The following MFSD6 variants were observed in gnomAD, a reference collection of about 807,000 sequenced individuals.
MFSD6 encodes major facilitator superfamily domain-containing protein 6.
MFSD6 carries 26 observed loss-of-function variants against 56.3 expected under a neutral mutation model. The observed-to-expected ratio is 0.46, with a 90% CI of 0.34 to 0.64. MFSD6 has a LOEUF of 0.64. Among genes scored for constraint, MFSD6 ranks in the 30% least tolerant of loss-of-function variants. MFSD6 has a pLI of 0.01. For synonymous variants in MFSD6, 331 were observed against 366.9 expected (o/e 0.90, Z 1.12); for missense variants, 750 against 986.2 (o/e 0.76, Z 3.21).
rs538442975 is a variant in MFSD6, at chr2:190,443,794, C to G, written c.1532+6233C>G. Among the ~76,000 whole-genome samples, 1 of 152,308 alleles carries G rather than the reference C, an allele frequency of 6.6e-6. No homozygotes were observed. Among genetic ancestry groups the G allele is most frequent in the East Asian group, 1.9e-4 (1 of 5,192 alleles). ...TAGTCTAGTCTGGGTGTGGCTCACACCTATAATCCCAGCACTTTGGGAGGC... is the reference window on the plus strand; with the variant it reads ...TAGTCTAGTCTGGGTGTGGCTCACAGCTATAATCCCAGCACTTTGGGAGGC... On this transcript the variant is annotated intron_variant, in intron 3 of 7. Coordinates refer to ENST00000392328, the MANE Select transcript of MFSD6 (RefSeq NM_017694.4). This position sits in a 1 kb window ranked among gnomAD's most constrained non-coding sequence, Gnocchi z 4.2.
rs567133050 is a variant in MFSD6 at position 190,457,511 on chromosome 2, T to C, written c.1533-12247T>C. On this transcript the variant is annotated intron_variant, in intron 3 of 7. Transcript: ENST00000392328. This position sits in a 1 kb window ranked among gnomAD's most constrained non-coding sequence, Gnocchi z 5.1. ...ACCATCTAGCCAGTGATAGGGGATG[T>C]GTTTTATGATAGCAGTTGCTGGGAT... Among the ~76,000 whole-genome samples, 1 of 152,318 alleles carries C rather than the reference T, an allele frequency of 6.6e-6. No individual in the cohort carries two copies. Among genetic ancestry groups the C allele is most frequent in the South Asian group, 2.1e-4 (1 of 4,832 alleles).
At chr2:190,464,442 G>A (rs1281512996) in intron 3 of MFSD6, among the ~76,000 whole-genome samples, 2 of 152,066 alleles carry the variant, frequency 1.3e-5, no homozygotes, top group Admixed American at 6.5e-5. Flanking sequence ...CTCACACCCT[G>A]TGTTGTTTCT....
In MFSD6 at chr2:190,457,530, C is replaced by T. The variant is rs1687108229; in HGVS notation, c.1533-12228C>T. On this transcript the variant is annotated intron_variant, in intron 3 of 7. Transcript: ENST00000392328. This position sits in a 1 kb window ranked among gnomAD's most constrained non-coding sequence, Gnocchi z 5.1. ...GGGATGTGTTTTATGATAGCAGTTGCTGGGATCTACATAGAGAATTTTATT... is the reference window on the plus strand; with the variant it reads ...GGGATGTGTTTTATGATAGCAGTTGTTGGGATCTACATAGAGAATTTTATT... Among the ~76,000 whole-genome samples, 1 of 152,152 alleles carries T rather than the reference C, an allele frequency of 6.6e-6. No individual in the cohort carries two copies. The highest frequency in any genetic ancestry group is 6.5e-5 in the Admixed American group (1 of 15,270).
Position 190,436,563 on chromosome 2 carries a change from C to T in MFSD6, c.534C>T (p.Ile178=), listed in dbSNP as rs778576407. ...HPTNASHQLT[I]LPTNSSFTSF... Reference sequence around the variant, plus strand: ...CCAATGCAAGTCACCAGTTAACTATCCTGCCAACAAATTCTTCCTTTACCT... The same window carrying T: ...CCAATGCAAGTCACCAGTTAACTATTCTGCCAACAAATTCTTCCTTTACCT... Residue 178 remains isoleucine, a synonymous_variant, in exon 3 of 8, where the codon ATC becomes ATT. Coordinates refer to ENST00000392328, the MANE Select transcript of MFSD6 (RefSeq NM_017694.4). The surrounding 1 kb of genome is among the most constrained non-coding windows in gnomAD (Gnocchi z 5.3). The T allele has an allele frequency of 4.3e-6, 7 of 1,614,214 alleles. No individual in the cohort carries two copies. In the South Asian group the frequency reaches 6.6e-5, roughly 15 times the overall value.
Position 190,498,628 on chromosome 2 carries a change from A to T in MFSD6, c.2172+909A>T, listed in dbSNP as rs978656545. Among the ~76,000 whole-genome samples, 6 of 152,114 alleles carry T rather than the reference A, an allele frequency of 3.9e-5. No individual in the cohort carries two copies. The highest frequency in any genetic ancestry group is 3.9e-4 in the Admixed American group (6 of 15,254). On this transcript the variant is annotated intron_variant, in intron 7 of 7. Transcript: ENST00000392328. The surrounding 1 kb of genome is among the most constrained non-coding windows in gnomAD (Gnocchi z 5.9). ...ATTTATTAATTTATCAAGATAATAA[A>T]CTCACATCATTACTCTGCTCAGTCA...
intron 3 of MFSD6, among the ~76,000 whole-genome samples, chr2:190,460,071 C>T (rs1198424374): frequency 6.6e-6 from 1 of 152,150 alleles, no homozygotes; most frequent in African/African-American, 2.4e-5. Flanking sequence ...TGGCTTATAT[C>T]CTAGCTCTTA....
rs1687372641 is a variant in MFSD6, at chr2:190,462,344, A to G, written c.1533-7414A>G. On this transcript the variant is annotated intron_variant, in intron 3 of 7. Transcript: ENST00000392328. This position sits in a 1 kb window ranked among gnomAD's most constrained non-coding sequence, Gnocchi z 5.7. The stretch of plus-strand genomic sequence containing the variant: ...TTAGCACCCAAGCGTCAGGGATTTT[A>G]AACATCCCACAGTGAATGGTGGATC... 6.6e-6 allele frequency among the ~76,000 whole-genome samples: 1 copy of G among 152,218 alleles called. No individual in the cohort carries two copies.
rs1204595704 is a variant in MFSD6, at chr2:190,494,028, T to C, written c.1892-3411T>C. Reference sequence around the variant, plus strand: ...AAGATGAGAGAATAACTAAATGAAATTGAAGGAAAAAAAATACAAAAAATA... The same window carrying C: ...AAGATGAGAGAATAACTAAATGAAACTGAAGGAAAAAAAATACAAAAAATA... On this transcript the variant is annotated intron_variant, in intron 6 of 7. Transcript: ENST00000392328. The surrounding 1 kb of genome is among the most constrained non-coding windows in gnomAD (Gnocchi z 5.7). Among the ~76,000 whole-genome samples the C allele has an allele frequency of 1.3e-5, 2 of 150,102 alleles. No homozygotes were observed. The highest frequency in any genetic ancestry group is 6.6e-5 in the Admixed American group (1 of 15,084).
At chr2:190,419,529 C>G (rs1690924602) in intron 2 of MFSD6, among the ~76,000 whole-genome samples, 1 of 152,202 alleles carries the variant, frequency 6.6e-6, no homozygotes, top group African/African-American at 2.4e-5. Flanking sequence ...ACTATTTCCT[C>G]TCCATCACTG....
rs1432468900 is a variant in MFSD6 at position 190,496,660 on chromosome 2, G to A, written c.1892-779G>A. The stretch of plus-strand genomic sequence containing the variant: ...TGTATATATATGTATATGTGTATAT[G>A]TGTGTGTATGTGTGTGTGTATATAC... On this transcript the variant is annotated intron_variant, in intron 6 of 7. Coordinates refer to ENST00000392328, the MANE Select transcript of MFSD6 (RefSeq NM_017694.4). This position sits in a 1 kb window ranked among gnomAD's most constrained non-coding sequence, Gnocchi z 4.7. 6.7e-6 allele frequency among the ~76,000 whole-genome samples: 1 copy of A among 148,280 alleles called. No homozygotes were observed. The highest frequency in any genetic ancestry group is 2.1e-4 in the South Asian group (1 of 4,818).
Position 190,462,458 on chromosome 2 carries a change from A to G in MFSD6, c.1533-7300A>G, listed in dbSNP as rs1335111606. 2.6e-5 allele frequency among the ~76,000 whole-genome samples: 4 copies of G among 152,154 alleles called. No homozygotes were observed. The highest frequency in any genetic ancestry group is 9.7e-5 in the African/African-American group (4 of 41,434). ...GAGAGTAATGCTTCCTTTTGCCCTC[A>G]TATTTTATCAGTTTACATAAGATTA... On this transcript the variant is annotated intron_variant, in intron 3 of 7. Transcript: ENST00000392328. The surrounding 1 kb of genome is among the most constrained non-coding windows in gnomAD (Gnocchi z 5.7).
chr2:190,466,603 G>A (rs1015425098), intron 3 of MFSD6, among the ~76,000 whole-genome samples: 1 of 152,130 alleles, frequency 6.6e-6, no homozygotes, highest in Admixed American at 6.5e-5. Context: ...TTTATTGAGT[G>A]CTTATTTTGG....
In MFSD6 at chr2:190,417,171, G is replaced by C. The variant is rs868499125; in HGVS notation, c.-54+1758G>C. Among the ~76,000 whole-genome samples, 2 of 152,158 alleles carry C rather than the reference G, an allele frequency of 1.3e-5. No homozygotes were observed. Among genetic ancestry groups the C allele is most frequent in the African/African-American group, 2.4e-5 (1 of 41,424 alleles). ...ATGTTTCAAGTGTATTCTATTTCCA[G>C]ATGTTATGAAAGGTCCCATTAGATA... On this transcript the variant is annotated intron_variant, in intron 2 of 7. Transcript: ENST00000392328. This position sits in a 1 kb window ranked among gnomAD's most constrained non-coding sequence, Gnocchi z 5.7.
In MFSD6 at chr2:190,418,154, C is replaced by G. The variant is rs985166595; in HGVS notation, c.-54+2741C>G. ...TAAGAGCAGCACTGCTACTCATTCC[C>G]TATGTGACTTTGGGCTGGTTATTTG... On this transcript the variant is annotated intron_variant, in intron 2 of 7. Transcript: ENST00000392328. This position sits in a 1 kb window ranked among gnomAD's most constrained non-coding sequence, Gnocchi z 4.1. 6.6e-5 allele frequency among the ~76,000 whole-genome samples: 10 copies of G among 152,098 alleles called. No homozygotes were observed. Among genetic ancestry groups the G allele is most frequent in the Admixed American group, 5.9e-4 (9 of 15,278 alleles).
chr2:190,442,992 C>T (rs970558061), intron 3 of MFSD6: 2 of 152,240 alleles, frequency 1.3e-5, no homozygotes, highest in Admixed American at 1.3e-4. Context: ...TTGGTCTGTG[C>T]TTTATTGCTT....
chr2:190,471,917 A>G lies in MFSD6; in HGVS notation c.1630+2062A>G, dbSNP rs887846061. 1.3e-5 allele frequency among the ~76,000 whole-genome samples: 2 copies of G among 152,170 alleles called. No homozygotes were observed. Among genetic ancestry groups the G allele is most frequent in the African/African-American group, 4.8e-5 (2 of 41,434 alleles). On this transcript the variant is annotated intron_variant, in intron 4 of 7. Transcript: ENST00000392328. The surrounding 1 kb of genome is among the most constrained non-coding windows in gnomAD (Gnocchi z 4.7). ...CTTCCAGAGGAACGATCAGGCAGCAATATTTGCTGTTCACCAATATCCGCT... is the reference window on the plus strand; with the variant it reads ...CTTCCAGAGGAACGATCAGGCAGCAGTATTTGCTGTTCACCAATATCCGCT...
Position 190,488,702 on chromosome 2 carries a change from G to C in MFSD6, c.1676G>C (p.Ser559Thr), listed in dbSNP as rs199597497. Residue 559 changes from serine to threonine, a missense_variant, in exon 5 of 8, where the codon AGT (serine) becomes ACT (threonine). Transcript: ENST00000392328. This position sits in a 1 kb window ranked among gnomAD's most constrained non-coding sequence, Gnocchi z 6.4. The stretch of plus-strand genomic sequence containing the variant: ...TGGGCAGCATGCATTTCTTACCTCA[G>C]TGCAGCCGTTCCCCCTGAGCTGAGG... ...AIWAACISYL[S>T]AAVPPELRTS... The C allele has an allele frequency of 6.2e-7, 1 of 1,603,986 alleles. No homozygotes were observed. Among genetic ancestry groups the C allele is most frequent in the African/African-American group, 1.3e-5 (1 of 74,496 alleles).
intron 2 of MFSD6, among the ~76,000 whole-genome samples, chr2:190,432,457 C>T (rs1183889316): frequency 6.6e-6 from 1 of 152,156 alleles, no homozygotes; most frequent in South Asian, 2.1e-4. Context: ...CTCCGTCACC[C>T]AGGCTGGAGA....
At chr2:190,473,086 G>T (rs1424873762) in intron 4 of MFSD6, among the ~76,000 whole-genome samples, 2 of 152,102 alleles carry the variant, frequency 1.3e-5, no homozygotes, top group African/African-American at 2.4e-5. Context: ...CCTGAAGGAA[G>T]CACTAAACAT....
Sources: gnomAD v4.1 joint callset for allele counts (sites outside exome capture counted in the v4.1 genomes callset) on GRCh38, gnomAD v4.1.1 for gene constraint, Gnocchi (gnomAD v3.1) non-coding constraint, MANE v1.5 for transcripts, NCBI Gene and HGNC (gene_info 2026-07-23, HGNC 2026-07-21) for gene names.